SEMA6D: variants seen among roughly 807,000 people sequenced by gnomAD.
SEMA6D encodes semaphorin 6D, also known as semaphorin-6D.
SEMA6D carries 35 observed loss-of-function variants against 106.6 expected under a neutral mutation model. The ratio of observed to expected loss-of-function variants is 0.33; its 90% CI spans 0.25 to 0.44. The LOEUF is 0.44. SEMA6D is among the 20% of genes least tolerant of loss of function. The pLI is 1.00. For missense variants in SEMA6D, 1,185 were observed against 1,345.9 expected (o/e 0.88, Z 1.87); for synonymous variants, 499 against 487.7 (o/e 1.02, Z -0.31).
At chr15:47,341,968 A>G (rs1360307884) in intron 1 of SEMA6D, among the ~76,000 whole-genome samples, 1 of 151,516 alleles carries the variant, frequency 6.6e-6, no homozygotes, top group African/African-American at 2.4e-5. Context: ...ATTCAGTGAA[A>G]TCATTCCATG....
upstream of SEMA6D, among the ~76,000 whole-genome samples, chr15:47,714,839 T>A (rs949179653): frequency 1.3e-5 from 2 of 152,322 alleles, no homozygotes; most frequent in South Asian, 4.1e-4. Context: ...AAGTCGTAGG[T>A]TCCATTGTTA....
At chr15:47,411,661 G>A (rs1043033330) in intron 1 of SEMA6D, among the ~76,000 whole-genome samples, 1 of 152,056 alleles carries the variant, frequency 6.6e-6, no homozygotes, top group African/African-American at 2.4e-5. Context: ...GGTTTTCAAA[G>A]AGGCTTCATA....
intron 4 of SEMA6D, among the ~76,000 whole-genome samples, chr15:47,625,532 C>T (rs550199613): frequency 3.3e-4 from 50 of 151,870 alleles, no homozygotes; most frequent in Non-Finnish European, 3.2e-4. Flanking sequence ...AGCTCAGGAG[C>T]TGGGCAACAT....
chr15:47,311,978 A>C (rs942408640), intron 1 of SEMA6D, among the ~76,000 whole-genome samples: 1 of 152,178 alleles, frequency 6.6e-6, no homozygotes, highest in Non-Finnish European at 1.5e-5. Flanking sequence ...GTTTTTATCC[A>C]GTATAGCACC....
chr15:47,206,587 A>G (rs1895080350), intron 1 of SEMA6D, among the ~76,000 whole-genome samples: 1 of 151,946 alleles, frequency 6.6e-6, no homozygotes, highest in Non-Finnish European at 1.5e-5. Context: ...CTACATTTCC[A>G]TGTCTAAGGA....
In SEMA6D at chr15:47,301,741, C is replaced by T. The variant is rs141903172; in HGVS notation, c.-238-110652C>T. On this transcript the variant is annotated intron_variant, in intron 1 of 19. Transcript: ENST00000558014. The stretch of plus-strand genomic sequence containing the variant: ...CAGCTGTGAGAGGGAGGAAACGAGA[C>T]GGGCAGTGACCATAGGGCAATTCTC... Among the ~76,000 whole-genome samples, 33 of 152,276 alleles carry T rather than the reference C, an allele frequency of 2.2e-4. No homozygotes were observed. The East Asian group carries it at 6.0e-3, about 28-fold the overall frequency.
intron 3 of SEMA6D, among the ~76,000 whole-genome samples, chr15:47,474,224 A>G (rs182581405): frequency 6.6e-6 from 1 of 152,302 alleles, no homozygotes; most frequent in East Asian, 1.9e-4. Context: ...GGGCTGCCTG[A>G]GGCAGGCTTA....
intron 1 of SEMA6D, among the ~76,000 whole-genome samples, chr15:47,335,292 C>A (rs779371530): frequency 1.3e-4 from 20 of 151,992 alleles, no homozygotes; most frequent in Non-Finnish European, 2.6e-4. Context: ...CAGAGAAGAA[C>A]ATGTTTGGGT....
chr15:47,468,419 A>G (rs543085099), intron 2 of SEMA6D, among the ~76,000 whole-genome samples: 2 of 152,282 alleles, frequency 1.3e-5, no homozygotes, highest in Non-Finnish European at 2.9e-5. Context: ...AGGAGCAAGA[A>G]TTGTCCTACT....
At chr15:47,557,791 G>A (rs1489389653) in intron 3 of SEMA6D, among the ~76,000 whole-genome samples, 3 of 152,172 alleles carry the variant, frequency 2.0e-5, no homozygotes, top group African/African-American at 7.2e-5. Flanking sequence ...CAAAGGGAAA[G>A]CGTTGGTTGT....
chr15:47,764,045 G>T lies in SEMA6D; in HGVS notation c.943G>T (p.Val315Leu), dbSNP rs1474367223. 5.0e-6 allele frequency: 8 copies of T among 1,613,892 alleles called. No individual in the cohort carries two copies. Among genetic ancestry groups the T allele is most frequent in the Non-Finnish European group, 6.8e-6 (8 of 1,179,866 alleles). The stretch of plus-strand genomic sequence containing the variant: ...CAATGGCATCCCCACTGTGGTCGGG[G>T]TGTTTACCACGCAGCTCAATAGGTG... ...QINGIPTVVG[V>L]FTTQLNSIPG... is the part of the protein sequence containing the mutation. Residue 315 changes from valine to leucine, a missense_variant, in exon 10 of 19, where the codon GTG (valine) becomes TTG (leucine). Coordinates refer to ENST00000536845, the MANE Select transcript of SEMA6D (RefSeq NM_001358351.3).
At chr15:47,197,149 T>C (rs996406835) in intron 1 of SEMA6D, among the ~76,000 whole-genome samples, 4 of 152,190 alleles carry the variant, frequency 2.6e-5, no homozygotes, top group African/African-American at 9.7e-5. Context: ...TTAATATCAC[T>C]TTGGTACTTT....
intron 1 of SEMA6D, among the ~76,000 whole-genome samples, chr15:47,362,461 G>A (rs1399921173): frequency 1.3e-5 from 2 of 152,100 alleles, no homozygotes; most frequent in Non-Finnish European, 2.9e-5. Flanking sequence ...CGGGTTCTCC[G>A]TTCTGCTCCT....
chr15:47,416,912 G>C (rs1487049357), intron 2 of SEMA6D, among the ~76,000 whole-genome samples: 1 of 152,050 alleles, frequency 6.6e-6, no homozygotes, highest in Non-Finnish European at 1.5e-5. Context: ...AACTGCAATG[G>C]TCCCATCTAT....
chr15:47,720,228 A>ATTC (rs75554719), intron 1 of SEMA6D, among the ~76,000 whole-genome samples: 29,987 of 138,328 alleles, frequency 0.22, 3,480 homozygotes, highest in Middle Eastern at 0.33. Context: ...ACCTGGCCTT[A>ATTC]TTCCTCGTAG....
At chr15:47,449,041 C>T (rs530623844) in intron 2 of SEMA6D, among the ~76,000 whole-genome samples, 11 of 152,040 alleles carry the variant, frequency 7.2e-5, no homozygotes, top group African/African-American at 2.4e-4. Context: ...GACTTTGACA[C>T]CCTCCTACGC....
chr15:47,466,482 A>G (rs2042663605), intron 2 of SEMA6D, among the ~76,000 whole-genome samples: 1 of 152,096 alleles, frequency 6.6e-6, no homozygotes, highest in Admixed American at 6.6e-5. Context: ...ACAAATGGCT[A>G]ATTTTCCTTT....
chr15:47,282,451 T>G (rs1015621063), intron 1 of SEMA6D, among the ~76,000 whole-genome samples: 2 of 152,154 alleles, frequency 1.3e-5, no homozygotes, highest in African/African-American at 2.4e-5. Context: ...CACAAGTTAT[T>G]TATTCTACTG....
chr15:47,383,972 T>C (rs1364804361), intron 1 of SEMA6D, among the ~76,000 whole-genome samples: 1 of 152,200 alleles, frequency 6.6e-6, no homozygotes, highest in African/African-American at 2.4e-5. Context: ...TTCACACACA[T>C]AGAGTGTTTT....
Sources: allele counts gnomAD v4.1 joint callset (sites outside exome capture counted in the v4.1 genomes callset), GRCh38; gene constraint gnomAD v4.1.1; transcripts MANE v1.5; gene names NCBI Gene and HGNC (gene_info 2026-07-23, HGNC 2026-07-21).